LIG1: variants seen among roughly 807,000 people sequenced by gnomAD.
The protein encoded by LIG1 is DNA ligase 1.
LIG1 carries 70 observed loss-of-function variants against 115.7 expected under a neutral mutation model. The ratio of observed to expected loss-of-function variants is 0.60; its 90% CI spans 0.50 to 0.74. The LOEUF (loss-of-function observed/expected upper bound fraction) is 0.74, where lower values mean the gene tolerates loss of function less well. LIG1 is among the 30% of genes least tolerant of loss of function. The pLI is 0.00. For missense variants in LIG1, 1,115 were observed against 1,225.6 expected (o/e 0.91, Z 1.35); for synonymous variants, 487 against 495.3 (o/e 0.98, Z 0.22).
At chr19:48,128,493 C>T (rs928125630) in intron 19 of LIG1, among the ~76,000 whole-genome samples, 1 of 152,214 alleles carries the variant, frequency 6.6e-6, no homozygotes, top group South Asian at 2.1e-4. Context: ...GGGACTCTCC[C>T]GGGTCAGCCT....
chr19:48,149,261 C>T (rs1469870518), intron 9 of LIG1, among the ~76,000 whole-genome samples: 2 of 152,138 alleles, frequency 1.3e-5, no homozygotes, highest in South Asian at 2.1e-4. Context: ...AGCACCACTG[C>T]ACTGCAGGCT....
intron 9 of LIG1, among the ~76,000 whole-genome samples, chr19:48,148,727 T>G (rs1009267689): frequency 6.6e-6 from 1 of 152,148 alleles, no homozygotes; most frequent in Non-Finnish European, 1.5e-5. Context: ...AATCATCCAT[T>G]CAGCCAGTCT....
At chr19:48,126,745 ATT>A (rs758287154) in intron 21 of LIG1, among the ~76,000 whole-genome samples, 9 of 145,948 alleles carry the variant, frequency 6.2e-5, no homozygotes, top group African/African-American at 7.5e-5. Context: ...AATAATATTA[ATT>A]TTTTTTTTTT....
intron 1 of LIG1, 75 bp from the exon 2 acceptor site, chr19:48,165,698 T>TAAGA: frequency 7.8e-6 from 8 of 1,023,308 alleles, no homozygotes; most frequent in East Asian, 2.6e-5. Flanking sequence ...ACCCTTTCTT[T>TAAGA]AAGAAAGAAA....
At chr19:48,143,032 G>A (rs2034875083) in intron 11 of LIG1, among the ~76,000 whole-genome samples, 1 of 152,330 alleles carries the variant, frequency 6.6e-6, no homozygotes, top group South Asian at 2.1e-4. Context: ...GGACAGAGAA[G>A]GGGGCTGGCA....
intron 21 of LIG1, among the ~76,000 whole-genome samples, chr19:48,124,181 TGC>T (rs1166158361): frequency 6.6e-6 from 1 of 152,238 alleles, no homozygotes; most frequent in Admixed American, 6.5e-5. Context: ...CTTCACCACT[TGC>T]CCTCCAGGGG....
At chr19:48,164,631 G>C (rs1324979214) in intron 2 of LIG1, among the ~76,000 whole-genome samples, 1 of 152,238 alleles carries the variant, frequency 6.6e-6, no homozygotes, top group Non-Finnish European at 1.5e-5. Context: ...GCCTGAGGGT[G>C]AGGACAACCT....
At chr19:48,115,771 C>T (rs767245958) in intron 27 of LIG1, 39 bp from the exon 28 acceptor site, 1 of 1,590,002 alleles carries the variant, frequency 6.3e-7, no homozygotes, top group Non-Finnish European at 8.6e-7. Flanking sequence ...CAGAAGCTCC[C>T]TGGCTGCTCC....
Position 48,121,164 on chromosome 19 carries a change from C to G in LIG1, c.2385+6G>C. On this transcript the variant is annotated splice_donor_region_variant and intron_variant, in intron 24 of 27. Transcript: ENST00000263274. ...GCTTCTGCCATCAGCCCCAGTTCCC[C>G]AGGACCTTGCATATGGCCTGCAGCT... 1.2e-6 allele frequency: 2 copies of G among 1,614,128 alleles called. No individual in the cohort carries two copies. Among genetic ancestry groups the G allele is most frequent in the South Asian group, 2.2e-5 (2 of 91,078 alleles).
Position 48,151,356 on chromosome 19 carries a change from C to T in LIG1, c.467-17G>A, listed in dbSNP as rs548952374. ...TCTCCTCTTCTGACGATAGACAGAA[C>T]GGTCAGATGGCAAAAAAATCCCATT... On this transcript the variant is annotated splice_polypyrimidine_tract_variant and intron_variant, in intron 6 of 27. Transcript: ENST00000263274. 6.7e-6 allele frequency: 10 copies of T among 1,498,346 alleles called. No individual in the cohort carries two copies. Among genetic ancestry groups the T allele is most frequent in the Admixed American group, 5.0e-5 (3 of 59,860 alleles). 92.8% of individuals were successfully genotyped at this position (1,498,346 alleles called of 1,614,324 possible).
chr19:48,121,069 G>T (rs1320698056), intron 24 of LIG1, 101 bp downstream of exon 24: 1 of 1,601,040 alleles, frequency 6.2e-7, no homozygotes, highest in Non-Finnish European at 8.5e-7. Context: ...TTCACAGGGG[G>T]ATGTGAGCAC....
intron 19 of LIG1, among the ~76,000 whole-genome samples, chr19:48,130,327 TTAAATAACTTATTTCC>T (rs2033932898): frequency 3.9e-5 from 6 of 152,234 alleles, no homozygotes. Context: ...CCCTGCTTTC[TTAAATAACTTATTTCC>T]TATTTAATTA....
intron 3 of LIG1, among the ~76,000 whole-genome samples, chr19:48,161,982 T>A (rs1439501686): frequency 4.0e-5 from 6 of 150,126 alleles, no homozygotes; most frequent in Admixed American, 4.0e-4. Flanking sequence ...TGAGACAGCA[T>A]CAAGACGTGG....
In LIG1 at chr19:48,119,275, T is replaced by A. The variant is rs55642157; in HGVS notation, c.2386-85A>T. Reference sequence around the variant, plus strand: ...TGCCATCTAAAGCTGTGTACACTCATGGCCCCCACCCCACTCTGGTCTACG... The same window carrying A: ...TGCCATCTAAAGCTGTGTACACTCAAGGCCCCCACCCCACTCTGGTCTACG... On this transcript the variant is annotated intron_variant, in intron 24 of 27. Coordinates refer to ENST00000263274, the MANE Select transcript of LIG1 (RefSeq NM_000234.3). The A allele has an allele frequency of 1.8e-5, 19 of 1,077,796 alleles. No homozygotes were observed. The East Asian group carries it at 4.7e-4, about 26-fold the overall frequency. The allele number at this position is 1,077,796 out of a possible 1,614,324, so 66.8% of individuals were successfully genotyped here. A position where few individuals can be genotyped will look rare whatever the true frequency, so the allele number is the denominator to read the frequency against.
chr19:48,143,848 C>T (rs751845171), intron 10 of LIG1, 35 bp downstream of exon 10: 20 of 1,564,248 alleles, frequency 1.3e-5, no homozygotes, highest in East Asian at 4.5e-5. Flanking sequence ...CAACAGGGAC[C>T]GGAGGGGGAC....
chr19:48,131,868 C>T (rs1026066796), intron 18 of LIG1, among the ~76,000 whole-genome samples: 1 of 150,750 alleles, frequency 6.6e-6, no homozygotes, highest in African/African-American at 2.4e-5. Context: ...CGTAAATCAT[C>T]TTGTGTCTTT....
intron 25 of LIG1, chr19:48,118,617 C>A (rs1568474033): frequency 6.8e-6 from 1 of 148,142 alleles, no homozygotes; most frequent in South Asian, 2.1e-4. Context: ...CAGCTCACTG[C>A]AACCTCTGCA....
chr19:48,115,506 G>T lies in LIG1; in HGVS notation c.*143C>A. The T allele has an allele frequency of 1.5e-6, 1 of 678,530 alleles. No individual in the cohort carries two copies. The allele number at this position is 678,530 out of a possible 1,614,324, so 42.0% of individuals were successfully genotyped here. A position where few individuals can be genotyped will look rare whatever the true frequency, so the allele number is the denominator to read the frequency against. ...GGATGAATCCCAGACTCCGGAGTAA[G>T]CCACCCCCTCACACACACACCCCTC... On this transcript the variant is annotated 3_prime_UTR_variant, in exon 28 of 28. Coordinates refer to ENST00000263274, the MANE Select transcript of LIG1 (RefSeq NM_000234.3).
rs1555784936 is a variant in LIG1 at position 48,169,907 on chromosome 19, G to GT, written c.-58+333dup. 7.7e-3 allele frequency: 442 copies of GT among 57,322 alleles called. 16 individuals are homozygous for GT. In the East Asian group the frequency reaches 0.097, roughly 13 times the overall value. 3.6% of individuals were successfully genotyped at this position (57,322 alleles called of 1,614,324 possible). On this transcript the variant is annotated intron_variant, in intron 1 of 27. Transcript: ENST00000263274. ...ATTTCCAGCTGGCCCCGCCCACACA[G>GT]TTTTCCCCCCCCCGGCCCCGCCCCT...
Sources: gnomAD v4.1 joint callset for allele counts (sites outside exome capture counted in the v4.1 genomes callset) on GRCh38, gnomAD v4.1.1 for gene constraint, MANE v1.5 for transcripts, NCBI Gene and HGNC (gene_info 2026-07-23, HGNC 2026-07-21) for gene names.